Variants in MPG observed in about 807,000 individuals in gnomAD.
MPG encodes N-methylpurine DNA glycosylase, also known as DNA-3-methyladenine glycosylase.
MPG carries 33 observed loss-of-function variants against 31.7 expected under a neutral mutation model. The observed-to-expected ratio is 1.04, with a 90% CI of 0.79 to 1.39. The LOEUF (loss-of-function observed/expected upper bound fraction) is 1.39. MPG is among the 40% of genes most tolerant of loss of function. The pLI is 0.00. For synonymous variants in MPG, 202 were observed against 169.2 expected (o/e 1.19, Z -1.51); for missense variants, 455 against 415.5 (o/e 1.10, Z -0.83).
Position 85,838 on chromosome 16 carries a change from T to TTGGCCGGGCG in MPG, c.*61_*62insTGGCCGGGCG. The TTGGCCGGGCG allele has an allele frequency of 2.1e-6, 3 of 1,413,934 alleles. No individual in the cohort carries two copies. Among genetic ancestry groups the TTGGCCGGGCG allele is most frequent in the South Asian group, 3.6e-5 (2 of 56,152 alleles). The allele number at this position is 1,413,934 out of a possible 1,614,324, so 87.6% of individuals were successfully genotyped here. On this transcript the variant is annotated 3_prime_UTR_variant, in exon 4 of 4. Transcript: ENST00000356432. The stretch of plus-strand genomic sequence containing the variant: ...TTAAAAACCGAATAAATGTTTTATT[T>TTGGCCGGGCG]CTAGAAAACTGTGCCTTAGCCAGAG...
chr16:83,364 G>C (rs772120657), intron 3 of MPG, 108 bp downstream of exon 3: 1 of 1,151,056 alleles, frequency 8.7e-7, no homozygotes, highest in South Asian at 1.4e-5. Context: ...TGAGCGAGGA[G>C]GTGCCACTTC....
chr16:83,916 A>G (rs1898334566), intron 3 of MPG, among the ~76,000 whole-genome samples: 1 of 152,064 alleles, frequency 6.6e-6, no homozygotes, highest in Non-Finnish European at 1.5e-5. Flanking sequence ...CCAAGGATGG[A>G]GCAGTGGGCA....
At chr16:79,172 C>T (rs1315108678) in intron 1 of MPG, 7 of 1,535,848 alleles carry the variant, frequency 4.6e-6, no homozygotes, top group South Asian at 2.4e-5. Flanking sequence ...CCGTGCAGCT[C>T]GCACATATGT....
At chr16:80,217 G>A (rs901378762) in intron 2 of MPG, among the ~76,000 whole-genome samples, 1 of 152,206 alleles carries the variant, frequency 6.6e-6, no homozygotes, top group Non-Finnish European at 1.5e-5. Context: ...CTGTCCCCAC[G>A]AGCAGATGCT....
intron 2 of MPG, among the ~76,000 whole-genome samples, chr16:80,224 T>A (rs1898203680): frequency 6.6e-6 from 1 of 152,216 alleles, no homozygotes; most frequent in Admixed American, 6.5e-5. Flanking sequence ...CACGAGCAGA[T>A]GCTCACACAG....
intron 1 of MPG, chr16:79,046 A>G: frequency 7.0e-7 from 1 of 1,429,056 alleles, no homozygotes; most frequent in Non-Finnish European, 9.1e-7. Flanking sequence ...TCCAGAAACC[A>G]GCTCAGACGT....
chr16:82,907 G>A (rs1898290160), intron 2 of MPG, 145 bp from the exon 3 acceptor site: 1 of 642,780 alleles, frequency 1.6e-6, no homozygotes. Context: ...AAGAGAAGAG[G>A]CAGGATGGAG....
At chr16:82,912 A>G (rs1898290221) in intron 2 of MPG, 140 bp from the exon 3 acceptor site, 2 of 666,788 alleles carry the variant, frequency 3.0e-6, no homozygotes, top group African/African-American at 3.7e-5. Context: ...AAGAGGCAGG[A>G]TGGAGACGGG....
chr16:84,935 C>T lies in MPG; in HGVS notation c.506-466C>T, dbSNP rs3176430. On this transcript the variant is annotated intron_variant, in intron 3 of 3. Coordinates refer to ENST00000356432, the MANE Select transcript of MPG (RefSeq NM_001015052.3). ...GGGGAGCGCTGGGGCCTGGCTAGGC[C>T]AAGGCTTCCTGCTTCCTGGCTGAAT... Among the ~76,000 whole-genome samples the T allele has an allele frequency of 4.1e-3, 622 of 152,344 alleles. 8 individuals carry two copies. Among genetic ancestry groups the T allele is most frequent in the African/African-American group, 0.014 (597 of 41,584 alleles).
chr16:78,733 T>G (rs1445719794), intron 1 of MPG, among the ~76,000 whole-genome samples: 1 of 152,232 alleles, frequency 6.6e-6, no homozygotes, highest in Non-Finnish European at 1.5e-5. Flanking sequence ...CACCTTCATC[T>G]TCCCTTCTCC....
At chr16:82,659 G>T (rs987624579) in intron 2 of MPG, among the ~76,000 whole-genome samples, 58 of 152,218 alleles carry the variant, frequency 3.8e-4, no homozygotes, top group Non-Finnish European at 5.6e-4. Context: ...TGCCTTCCGT[G>T]ATGCCTGGCC....
upstream of MPG, chr16:77,264 T>G (rs895715271): frequency 1.3e-5 from 2 of 152,180 alleles, no homozygotes; most frequent in Non-Finnish European, 1.5e-5. Context: ...AGATAAACCT[T>G]CAAGTGGCCA....
Position 78,327 on chromosome 16 carries a change from G to A in MPG, c.18G>A (p.Gly6=), listed in dbSNP as rs1898147304. 2 of 1,280,594 alleles carry A rather than the reference G, an allele frequency of 1.6e-6. No homozygotes were observed. Among genetic ancestry groups the A allele is most frequent in the Admixed American group, 7.9e-5 (2 of 25,388 alleles). 79.3% of individuals were successfully genotyped at this position (1,280,594 alleles called of 1,614,324 possible). The change falls in exon 1 of 4, where the codon GGG becomes GGA. Residue 6 remains glycine (G), a synonymous_variant. Transcript: ENST00000356432. The part of the protein sequence containing the change: MPARS[G]AQFCRRMGQK... Reference sequence around the variant, plus strand: ...GCCGCCGGATGCCCGCGCGCAGCGGGGCCCAGGTGAGCGCGCGCCTCGGCC... The same window carrying A: ...GCCGCCGGATGCCCGCGCGCAGCGGAGCCCAGGTGAGCGCGCGCCTCGGCC...
At chr16:83,370 A>G (rs773453440) in intron 3 of MPG, 114 bp downstream of exon 3, 2 of 1,086,780 alleles carry the variant, frequency 1.8e-6, no homozygotes, top group Non-Finnish European at 2.7e-6. Context: ...AGGAGGTGCC[A>G]CTTCCAGGCC....
At chr16:80,049 G>A (rs543946555) in intron 2 of MPG, among the ~76,000 whole-genome samples, 30 of 152,354 alleles carry the variant, frequency 2.0e-4, no homozygotes, top group African/African-American at 6.5e-4. Context: ...GGCCAGTGTC[G>A]GGCTGCCCCT....
At position 85,492 on chromosome 16, in the gene MPG, C is replaced by T. The variant is rs575216465; in HGVS notation, c.597C>T (p.Thr199=). Residue 199 remains threonine (T), a synonymous_variant, in exon 4 of 4, where the codon ACC becomes ACT. Transcript: ENST00000356432. ...RQLRSTLRKG[T]ASRVLKDREL... ...TTCGCAGCACCCTCCGGAAAGGCAC[C>T]GCCAGCCGTGTCCTCAAGGACCGCG... 1.7e-5 allele frequency: 27 copies of T among 1,613,128 alleles called. 1 individual carries two copies. The highest frequency in any genetic ancestry group is 1.7e-4 in the Admixed American group (10 of 60,004).
In MPG at chr16:83,170, G is replaced by C; in HGVS notation, c.419G>C (p.Arg140Pro). 6.2e-7 allele frequency: 1 copy of C among 1,613,176 alleles called. No individual in the cohort carries two copies. ...AHSRGGRQTP[R>P]NRGMFMKPGT... ...TCAAGGGGTGGCCGGCAGACCCCCCGCAACCGAGGCATGTTCATGAAGCCG... is the reference window on the plus strand; with the variant it reads ...TCAAGGGGTGGCCGGCAGACCCCCCCCAACCGAGGCATGTTCATGAAGCCG... The change falls in exon 3 of 4, where the codon CGC becomes CCC. Residue 140 changes from arginine (R) to proline (P), a missense_variant. Arg to Pro is a moderately radical substitution (Grantham distance 103). Transcript: ENST00000356432.
chr16:85,307 C>T (rs1432564495), intron 3 of MPG, 94 bp from the exon 4 acceptor site: 11 of 1,442,400 alleles, frequency 7.6e-6, no homozygotes, highest in Non-Finnish European at 9.3e-6. Flanking sequence ...AAGGCAGCTG[C>T]ACCCTCCCTG....
chr16:84,837 C>G (rs1177516731), intron 3 of MPG, among the ~76,000 whole-genome samples: 7 of 152,240 alleles, frequency 4.6e-5, no homozygotes, highest in East Asian at 3.9e-4. Flanking sequence ...CCGGTGCACA[C>G]TGGCAGCTGC....
Sources: allele counts gnomAD v4.1 joint callset (sites outside exome capture counted in the v4.1 genomes callset), GRCh38; gene constraint gnomAD v4.1.1; transcripts MANE v1.5; gene names NCBI Gene and HGNC (gene_info 2026-07-23, HGNC 2026-07-21).